The following NRXN3 variants were observed in gnomAD, a reference collection of about 807,000 sequenced individuals.
NRXN3 encodes the protein neurexin 3, also known as neurexin III.
A neutral mutation model predicts 137.6 loss-of-function variants in NRXN3; 32 were observed. The ratio of observed to expected loss-of-function variants is 0.23; its 90% CI spans 0.18 to 0.31. NRXN3 has a LOEUF of 0.31. NRXN3 is among the 10% of genes least tolerant of loss of function. The pLI is 1.00. For synonymous variants in NRXN3, 798 were observed against 784.5 expected (o/e 1.02, Z -0.29); for missense variants, 1,574 against 2,062.5 (o/e 0.76, Z 4.59).
chr14:79,251,253 G>T (rs1360964969), intron 15 of NRXN3, among the ~76,000 whole-genome samples: 1 of 152,184 alleles, frequency 6.6e-6, no homozygotes, highest in African/African-American at 2.4e-5. Flanking sequence ...TGGCAGCTAA[G>T]AACTGCATTA....
intron 6 of NRXN3, among the ~76,000 whole-genome samples, chr14:78,674,673 A>T (rs967986335): frequency 1.5e-4 from 23 of 152,200 alleles, no homozygotes; most frequent in Admixed American, 1.1e-3. Context: ...GAGTAAAAAC[A>T]TCCCAGTATT....
chr14:78,412,830 A>G (rs2092912361), intron 4 of NRXN3, among the ~76,000 whole-genome samples: 1 of 152,106 alleles, frequency 6.6e-6, no homozygotes, highest in Non-Finnish European at 1.5e-5. Flanking sequence ...TTTGTTGGCC[A>G]TTACTCTTCA....
intron 6 of NRXN3, among the ~76,000 whole-genome samples, chr14:78,675,512 G>A (rs1367520375): frequency 6.6e-6 from 1 of 152,144 alleles, no homozygotes; most frequent in Non-Finnish European, 1.5e-5. Flanking sequence ...TTCTGGAGTA[G>A]CTCCATTAGA....
chr14:79,407,476 A>G (rs1470865081), intron 15 of NRXN3, among the ~76,000 whole-genome samples: 1 of 152,140 alleles, frequency 6.6e-6, no homozygotes, highest in East Asian at 1.9e-4. Flanking sequence ...ATAATAACAA[A>G]CCACATAACT....
At chr14:79,054,992 A>C (rs1180340824) in intron 15 of NRXN3, among the ~76,000 whole-genome samples, 2 of 152,212 alleles carry the variant, frequency 1.3e-5, no homozygotes, top group East Asian at 1.9e-4. Context: ...TGGGAGCTGC[A>C]GATGTCTCTA....
At chr14:78,516,393 G>A (rs1260940742) in intron 4 of NRXN3, among the ~76,000 whole-genome samples, 1 of 92,374 alleles carries the variant, frequency 1.1e-5, no homozygotes, top group East Asian at 3.4e-4. Context: ...AGCAGCAGAG[G>A]AGAGATTGGC....
chr14:79,625,724 G>A (rs1281342052), intron 16 of NRXN3, among the ~76,000 whole-genome samples: 2 of 152,110 alleles, frequency 1.3e-5, no homozygotes, highest in African/African-American at 2.4e-5. Context: ...CTCCCCATGT[G>A]GATCTGAATA....
rs371288668 is a variant in NRXN3, at chr14:79,645,679, A to G, written c.3445-18099A>G. Reference sequence around the variant, plus strand: ...GCCTGGTATAATACCTCGCACACAGAAGGTGTTCCATATATGCCTGCTAAA... The same window carrying G: ...GCCTGGTATAATACCTCGCACACAGGAGGTGTTCCATATATGCCTGCTAAA... On this transcript the variant is annotated intron_variant, in intron 16 of 20. Coordinates refer to ENST00000335750, the MANE Select transcript of NRXN3 (RefSeq NM_001330195.2). 7.4e-5 allele frequency among the ~76,000 whole-genome samples: 10 copies of G among 134,362 alleles called. 2 individuals are homozygous for G. Among genetic ancestry groups the G allele is most frequent in the Middle Eastern group, 7.1e-3 (2 of 280 alleles). The allele number at this position is 134,362 out of a possible 152,430, so 88.1% of individuals were successfully genotyped here.
intron 16 of NRXN3, among the ~76,000 whole-genome samples, chr14:79,593,171 C>T (rs1458626155): frequency 2.6e-5 from 4 of 152,086 alleles, no homozygotes; most frequent in Non-Finnish European, 5.9e-5. Flanking sequence ...AAAACTCTCT[C>T]CCCTCACTAC....
chr14:78,882,084 G>A (rs1377971128), intron 10 of NRXN3, among the ~76,000 whole-genome samples: 1 of 151,810 alleles, frequency 6.6e-6, no homozygotes, highest in African/African-American at 2.4e-5. Context: ...ATAGTGTTGG[G>A]CCTGTGATTG....
At chr14:78,296,513 A>G (rs191906599) in intron 3 of NRXN3, among the ~76,000 whole-genome samples, 61 of 152,252 alleles carry the variant, frequency 4.0e-4, no homozygotes, top group Admixed American at 6.5e-4. Context: ...CCCTTCCCCC[A>G]CAAAAGACCC....
rs546464943 is a variant in NRXN3, at chr14:78,486,631, T to C, written c.758-158489T>C. ...GGGCTTGTCTGGTGAAAGAGTGGGCTTAAGGAAAAAGCAACAACAGGATCA... is the reference window on the plus strand; with the variant it reads ...GGGCTTGTCTGGTGAAAGAGTGGGCCTAAGGAAAAAGCAACAACAGGATCA... On this transcript the variant is annotated intron_variant, in intron 4 of 20. Coordinates refer to ENST00000335750, the MANE Select transcript of NRXN3 (RefSeq NM_001330195.2). Among the ~76,000 whole-genome samples, 205 of 152,274 alleles carry C rather than the reference T, an allele frequency of 1.3e-3. 1 individual carries two copies. Among genetic ancestry groups the C allele is most frequent in the Non-Finnish European group, 2.6e-3 (174 of 68,020 alleles).
At chr14:79,635,685 C>T (rs2098398524) in intron 16 of NRXN3, among the ~76,000 whole-genome samples, 1 of 152,152 alleles carries the variant, frequency 6.6e-6, no homozygotes, top group African/African-American at 2.4e-5. Context: ...ATGGCGTTTT[C>T]CCTGTGTGTC....
chr14:79,829,901 T>C (rs1411430804), intron 20 of NRXN3, among the ~76,000 whole-genome samples: 1 of 152,174 alleles, frequency 6.6e-6, no homozygotes, highest in African/African-American at 2.4e-5. Flanking sequence ...CTCAACACAC[T>C]CTGAATAGAG....
At chr14:79,537,407 C>T (rs2153728591) in intron 16 of NRXN3, among the ~76,000 whole-genome samples, 1 of 152,130 alleles carries the variant, frequency 6.6e-6, no homozygotes, top group South Asian at 2.1e-4. Context: ...TGTCATTTAA[C>T]ATTAGGTATA....
intron 15 of NRXN3, among the ~76,000 whole-genome samples, chr14:79,332,594 A>G (rs1304080848): frequency 6.6e-6 from 1 of 152,166 alleles, no homozygotes; most frequent in African/African-American, 2.4e-5. Flanking sequence ...CCTTCAATGC[A>G]TGCTATGTTC....
chr14:78,504,070 A>G (rs2095933737), intron 4 of NRXN3, among the ~76,000 whole-genome samples: 1 of 152,192 alleles, frequency 6.6e-6, no homozygotes, highest in African/African-American at 2.4e-5. Context: ...ATGCTAAATT[A>G]TAATAGGAAT....
intron 10 of NRXN3, among the ~76,000 whole-genome samples, chr14:78,831,512 G>A (rs1490303720): frequency 7.2e-6 from 1 of 139,782 alleles, no homozygotes; most frequent in African/African-American, 2.9e-5. Context: ...TCCAGCCTGG[G>A]TGACAGAGGG....
intron 10 of NRXN3, among the ~76,000 whole-genome samples, chr14:78,831,525 A>G (rs2098981781): frequency 8.5e-6 from 1 of 118,112 alleles, no homozygotes; most frequent in Admixed American, 9.5e-5. Context: ...ACAGAGGGAG[A>G]CTCCATGTCA....
Sources: gnomAD v4.1 joint callset for allele counts (sites outside exome capture counted in the v4.1 genomes callset) on GRCh38, gnomAD v4.1.1 for gene constraint, MANE v1.5 for transcripts, NCBI Gene and HGNC (gene_info 2026-07-23, HGNC 2026-07-21) for gene names.